INTS7: variants seen among roughly 807,000 people sequenced by gnomAD.
INTS7 encodes integrator complex subunit 7.
In INTS7, 46 loss-of-function variants were observed where a neutral mutation model predicts 109.2. The observed-to-expected ratio is 0.42, with a 90% CI of 0.33 to 0.54. The LOEUF is 0.54. Among genes scored for constraint, INTS7 ranks in the 20% least tolerant of loss-of-function variants. INTS7 has a pLI of 0.07. For synonymous variants in INTS7, 412 were observed against 402.9 expected, an observed-to-expected ratio of 1.02 and a Z score of -0.27; for missense variants, 929 against 1,132.4, an observed-to-expected ratio of 0.82 and a Z score of 2.58.
intron 8 of INTS7, among the ~76,000 whole-genome samples, chr1:211,987,214 T>C (rs1362999473): frequency 6.6e-6 from 1 of 152,002 alleles, no homozygotes; most frequent in East Asian, 1.9e-4. Flanking sequence ...AGAGAATTTC[T>C]TGAAACTAGG....
At chr1:212,030,293 G>GT (rs34202107) in intron 1 of INTS7, among the ~76,000 whole-genome samples, 11,382 of 142,794 alleles carry the variant, frequency 0.08, 471 homozygotes, top group Admixed American at 0.15. Flanking sequence ...ATGATTTTTT[G>GT]TTTTTTTTTT....
At position 212,035,367 on chromosome 1, in the gene INTS7, G is replaced by A; in HGVS notation, c.71C>T (p.Ser24Phe). The stretch of plus-strand genomic sequence containing the variant: ...ACCTTTGTCCAATTCCATAAGGGCA[G>A]AGTTGGCATCCAGTTCCTGTTCGCC... ...GYGEQELDAN[S>F]ALMELDKGLR... Residue 24 changes from serine (S) to phenylalanine (F), a missense_variant, in exon 1 of 20, where the codon TCT (serine) becomes TTT (phenylalanine). Ser to Phe is a radical substitution (Grantham distance 155). This residue lies in a region of INTS7 where 142 missense variants were observed against 231.4 expected (regional missense o/e 0.61). Coordinates refer to ENST00000366994, the MANE Select transcript of INTS7 (RefSeq NM_015434.4). 1.2e-6 allele frequency: 2 copies of A among 1,613,244 alleles called. No homozygotes were observed. Among genetic ancestry groups the A allele is most frequent in the Non-Finnish European group, 1.7e-6 (2 of 1,179,124 alleles).
chr1:211,949,484 T>C (rs17018265), intron 17 of INTS7, among the ~76,000 whole-genome samples: 5,213 of 152,296 alleles, frequency 0.034, 301 homozygotes, highest in African/African-American at 0.12. Context: ...ATCTCATGTC[T>C]AGTTAAAAAA....
At chr1:211,990,370 T>C (rs1665092997) in intron 7 of INTS7, among the ~76,000 whole-genome samples, 1 of 152,018 alleles carries the variant, frequency 6.6e-6, no homozygotes. Context: ...AACATGCACG[T>C]AGTGTATTTT....
Position 212,007,390 on chromosome 1 carries a change from G to C in INTS7, c.616C>G (p.His206Asp). 6.2e-7 allele frequency: 1 copy of C among 1,613,924 alleles called. No homozygotes were observed. The highest frequency in any genetic ancestry group is 8.5e-7 in the Non-Finnish European group (1 of 1,179,862). ...KLIPILQHMH[H>D]DAILASSARQ... ...GCACTGGAAGCCAAGATTGCATCAT[G>C]GTGCATGTGCTGTAGAATGGGTATC... Residue 206 changes from histidine (H) to aspartate (D), a missense_variant, in exon 6 of 20, where the codon CAT becomes GAT. Coordinates refer to ENST00000366994, the MANE Select transcript of INTS7 (RefSeq NM_015434.4).
chr1:211,947,779 C>T (rs1275048376), intron 17 of INTS7, among the ~76,000 whole-genome samples: 1 of 152,130 alleles, frequency 6.6e-6, no homozygotes, highest in Admixed American at 6.5e-5. Flanking sequence ...TGAGTCAACA[C>T]CATTAGAGGG....
intron 13 of INTS7, among the ~76,000 whole-genome samples, chr1:211,971,364 C>T (rs1664159230): frequency 6.6e-6 from 1 of 152,128 alleles, no homozygotes; most frequent in South Asian, 2.1e-4. Context: ...ATGTTGGTAA[C>T]AGCAAGAAAC....
At chr1:212,003,448 T>C (rs1299147052) in intron 7 of INTS7, among the ~76,000 whole-genome samples, 1 of 151,562 alleles carries the variant, frequency 6.6e-6, no homozygotes, top group African/African-American at 2.4e-5. Flanking sequence ...GAGGACAAAA[T>C]GAAAGCATTT....
intron 16 of INTS7, among the ~76,000 whole-genome samples, chr1:211,963,043 AC>A (rs978344039): frequency 2.0e-5 from 3 of 152,192 alleles, no homozygotes; most frequent in Admixed American, 2.0e-4. Flanking sequence ...AGACTGACAC[AC>A]AAAAAAAATT....
At chr1:212,017,859 C>T (rs1666510029) in intron 3 of INTS7, among the ~76,000 whole-genome samples, 1 of 152,046 alleles carries the variant, frequency 6.6e-6, no homozygotes, top group African/African-American at 2.4e-5. Context: ...ATAAGTAATA[C>T]TGTTAGTAGC....
intron 16 of INTS7, among the ~76,000 whole-genome samples, chr1:211,954,747 T>A (rs1322164639): frequency 2.0e-5 from 3 of 152,234 alleles, no homozygotes; most frequent in African/African-American, 7.2e-5. Context: ...TTCTGTTCCA[T>A]TGATCTACAT....
intron 7 of INTS7, among the ~76,000 whole-genome samples, chr1:211,998,538 A>G (rs920033760): frequency 6.6e-6 from 1 of 152,236 alleles, no homozygotes; most frequent in Non-Finnish European, 1.5e-5. Flanking sequence ...TGTACCATAC[A>G]CAAAAGTCAA....
In INTS7 at chr1:211,952,779, A is replaced by C. The variant is rs940437701; in HGVS notation, c.2184-78T>G. ...TGCCTACATGTATCAGGTACTTTCA[A>C]CATATTTTCATTTAATTTTTAAAAT... On this transcript the variant is annotated intron_variant, in intron 16 of 19. Transcript: ENST00000366994. 5.0e-5 allele frequency: 60 copies of C among 1,201,086 alleles called. 1 individual carries two copies. The highest frequency in any genetic ancestry group is 1.6e-5 in the African/African-American group (1 of 64,192). The allele number at this position is 1,201,086 out of a possible 1,614,324, so 74.4% of individuals were successfully genotyped here. A position where few individuals can be genotyped will look rare whatever the true frequency, so the allele number is the denominator to read the frequency against.
chr1:211,952,772 A>G lies in INTS7; in HGVS notation c.2184-71T>C, dbSNP rs927675355. 3 of 1,231,482 alleles carry G rather than the reference A, an allele frequency of 2.4e-6. No homozygotes were observed. The African/African-American group carries it at 4.6e-5, about 19-fold the overall frequency. The allele number at this position is 1,231,482 out of a possible 1,614,324, so 76.3% of individuals were successfully genotyped here. ...TATTTAATGCCTACATGTATCAGGT[A>G]CTTTCAACATATTTTCATTTAATTT... is the stretch of plus-strand genomic sequence containing the variant. On this transcript the variant is annotated intron_variant, in intron 16 of 19. Transcript: ENST00000366994.
chr1:212,034,920 C>T (rs1667355856), intron 1 of INTS7, among the ~76,000 whole-genome samples: 1 of 152,186 alleles, frequency 6.6e-6, no homozygotes, highest in African/African-American at 2.4e-5. Context: ...GGTAACAGAG[C>T]TATGGAAATC....
chr1:211,973,628 C>T (rs903248755), intron 13 of INTS7, among the ~76,000 whole-genome samples: 2 of 152,002 alleles, frequency 1.3e-5, no homozygotes, highest in Non-Finnish European at 2.9e-5. Flanking sequence ...TCCACACTTA[C>T]CAAATGAACA....
rs377287296 is a variant in INTS7 at position 211,975,016 on chromosome 1, T to TA, written c.1815+149dup. ...TAAACTTTTATCAATCTAAGAATGT[T>TA]AAAAAGGGGAAAAGGTTAAGGGTTT... On this transcript the variant is annotated intron_variant, in intron 13 of 19. Transcript: ENST00000366994. The TA allele has an allele frequency of 9.3e-5, 57 of 613,950 alleles. No homozygotes were observed. In the African/African-American group the frequency reaches 1.0e-3, roughly 11 times the overall value. 38.0% of individuals were successfully genotyped at this position (613,950 alleles called of 1,614,324 possible). A position where few individuals can be genotyped will look rare whatever the true frequency, so the allele number is the denominator to read the frequency against.
chr1:212,035,465 G>C lies in INTS7; in HGVS notation c.-28C>G, dbSNP rs1667399085. 2 of 1,531,870 alleles carry C rather than the reference G, an allele frequency of 1.3e-6. No individual in the cohort carries two copies. Among genetic ancestry groups the C allele is most frequent in the Non-Finnish European group, 1.8e-6 (2 of 1,105,162 alleles). The allele number at this position is 1,531,870 out of a possible 1,614,324, so 94.9% of individuals were successfully genotyped here. A position where few individuals can be genotyped will look rare whatever the true frequency, so the allele number is the denominator to read the frequency against. ...CCCGAATAGTTACTCGACTAGCCTA[G>C]TCAGAAAGCTTGCAAACTCTACCCC... On this transcript the variant is annotated 5_prime_UTR_variant, in exon 1 of 20. Coordinates refer to ENST00000366994, the MANE Select transcript of INTS7 (RefSeq NM_015434.4).
rs1220366933 is a variant in INTS7 at position 211,967,902 on chromosome 1, G to A, written c.2090C>T (p.Ser697Leu). ...CAGTTCAACATTCCTCAAAGTTGCT[G>A]AGTCAGCATCAAAAGATGCCTGGTA... Reference protein sequence around the residue: ...DLYQASFDADSATLRNVELQQ... With the variant: ...DLYQASFDADLATLRNVELQQ... The change falls in exon 15 of 20, where the codon TCA becomes TTA. Residue 697 changes from serine to leucine, a missense_variant. Coordinates refer to ENST00000366994, the MANE Select transcript of INTS7 (RefSeq NM_015434.4). 6.2e-7 allele frequency: 1 copy of A among 1,605,592 alleles called. No individual in the cohort carries two copies. The highest frequency in any genetic ancestry group is 8.5e-7 in the Non-Finnish European group (1 of 1,174,132).
Sources: gnomAD v4.1 joint callset for allele counts (sites outside exome capture counted in the v4.1 genomes callset) on GRCh38, gnomAD v4.1.1 for gene constraint, gnomAD v4.1.1 regional missense constraint, MANE v1.5 for transcripts, NCBI Gene and HGNC (gene_info 2026-07-23, HGNC 2026-07-21) for gene names.